SPECC1: variants seen among roughly 807,000 people sequenced by gnomAD.
The protein encoded by SPECC1 is cytospin-B.
Under a neutral mutation model 104.1 loss-of-function variants are expected in SPECC1, and 62 were observed. That is an observed-to-expected ratio of 0.60 (90% CI 0.49 to 0.74). The LOEUF (loss-of-function observed/expected upper bound fraction) is 0.74. Ranked by LOEUF, SPECC1 falls within the 30% of genes least tolerant of loss-of-function variation. The pLI is 0.00. For synonymous variants in SPECC1, 513 were observed against 501.6 expected, an observed-to-expected ratio of 1.02 and a Z score of -0.30; for missense variants, 1,306 against 1,310.5, an observed-to-expected ratio of 1.00 and a Z score of 0.05.
At chr17:20,243,722 G>T (rs546931006) in intron 7 of SPECC1, among the ~76,000 whole-genome samples, 2 of 152,292 alleles carry the variant, frequency 1.3e-5, no homozygotes, top group Admixed American at 6.5e-5. Context: ...TGAGGTAATT[G>T]ATTCTTGTGG....
intron 2 of SPECC1, among the ~76,000 whole-genome samples, chr17:20,102,392 C>A (rs2047984207): frequency 1.3e-5 from 2 of 152,204 alleles, no homozygotes; most frequent in African/African-American, 4.8e-5. Context: ...CCCTTGAAAG[C>A]TTTGCTGCTA....
At chr17:20,170,323 T>TTG (rs1206525840) in intron 3 of SPECC1, among the ~76,000 whole-genome samples, 2 of 152,254 alleles carry the variant, frequency 1.3e-5, no homozygotes, top group African/African-American at 4.8e-5. Context: ...CAGCTGTCCC[T>TTG]TGTATTTCCA....
At chr17:20,144,595 A>T (rs980272891) in intron 3 of SPECC1, among the ~76,000 whole-genome samples, 2 of 152,050 alleles carry the variant, frequency 1.3e-5, no homozygotes, top group African/African-American at 4.8e-5. Context: ...ATTTTCCTTT[A>T]TATATAAGTG....
chr17:20,114,892 GAGAA>G (rs2048680951), intron 3 of SPECC1, among the ~76,000 whole-genome samples: 1 of 152,206 alleles, frequency 6.6e-6, no homozygotes, highest in African/African-American at 2.4e-5. Context: ...TACCAAGACA[GAGAA>G]GTATTGTATT....
chr17:20,083,990 C>G (rs2047080411), intron 1 of SPECC1, among the ~76,000 whole-genome samples: 1 of 152,122 alleles, frequency 6.6e-6, no homozygotes, highest in Non-Finnish European at 1.5e-5. Context: ...CTAATGATGT[C>G]AAGCATTTTT....
intron 3 of SPECC1, among the ~76,000 whole-genome samples, chr17:20,182,886 C>T (rs1481293045): frequency 2.6e-5 from 4 of 152,204 alleles, no homozygotes; most frequent in South Asian, 2.1e-4. Flanking sequence ...CTGCAAAAGA[C>T]GTTGGAAGTG....
intron 3 of SPECC1, among the ~76,000 whole-genome samples, chr17:20,186,735 T>TCTAC (rs1197697241): frequency 6.6e-6 from 1 of 152,098 alleles, no homozygotes; most frequent in Non-Finnish European, 1.5e-5. Flanking sequence ...CTGGGTTTTT[T>TCTAC]TTGTATTTTC....
chr17:20,222,282 C>T (rs749915572), intron 4 of SPECC1, among the ~76,000 whole-genome samples: 5 of 151,948 alleles, frequency 3.3e-5, no homozygotes, highest in Non-Finnish European at 7.4e-5. Context: ...GCAAGTGAAG[C>T]GAGATCGCAC....
intron 8 of SPECC1, among the ~76,000 whole-genome samples, chr17:20,246,484 C>T (rs1401595287): frequency 1.3e-5 from 2 of 152,136 alleles, no homozygotes; most frequent in African/African-American, 4.8e-5. Context: ...TTGGAGGCAC[C>T]CCTGGCCATC....
chr17:20,051,117 T>TTCTTTCC (rs2045749031), intron 1 of SPECC1, among the ~76,000 whole-genome samples: 12 of 92,870 alleles, frequency 1.3e-4, no homozygotes, highest in Admixed American at 3.4e-4. Context: ...TCTTTCTTTC[T>TTCTTTCC]TTCTTTCTTT....
At chr17:20,249,444 C>A (rs1232164002) in intron 9 of SPECC1, among the ~76,000 whole-genome samples, 2 of 151,828 alleles carry the variant, frequency 1.3e-5, no homozygotes, top group African/African-American at 2.4e-5. Context: ...AAACAAAAAA[C>A]CAGGCATACA....
chr17:20,140,263 C>G (rs1213841825), intron 3 of SPECC1, among the ~76,000 whole-genome samples: 5 of 152,132 alleles, frequency 3.3e-5, no homozygotes, highest in Non-Finnish European at 7.4e-5. Context: ...TTACAGTGGT[C>G]TTGTTGATTG....
At chr17:20,049,398 C>T (rs1023603353) in intron 1 of SPECC1, among the ~76,000 whole-genome samples, 3 of 151,838 alleles carry the variant, frequency 2.0e-5, no homozygotes, top group Admixed American at 6.6e-5. Context: ...TGGGCAACAT[C>T]GTGAGACCCT....
At chr17:20,049,676 G>A (rs2045666491) in intron 1 of SPECC1, among the ~76,000 whole-genome samples, 1 of 151,924 alleles carries the variant, frequency 6.6e-6, no homozygotes, top group Admixed American at 6.6e-5. Flanking sequence ...AGAAAGATTT[G>A]GTTTGTATGT....
intron 3 of SPECC1, among the ~76,000 whole-genome samples, chr17:20,150,464 A>G (rs971673345): frequency 2.6e-5 from 4 of 151,558 alleles, no homozygotes; most frequent in Admixed American, 2.6e-4. Context: ...ACATGGAGAA[A>G]TCCCGTCTCT....
chr17:20,306,661 CAG>C (rs1286681420), intron 14 of SPECC1, among the ~76,000 whole-genome samples: 1 of 152,118 alleles, frequency 6.6e-6, no homozygotes, highest in African/African-American at 2.4e-5. Flanking sequence ...CACGTGCGCG[CAG>C]AGAGAGGAAA....
chr17:20,291,755 G>A (rs1200056581), intron 12 of SPECC1, among the ~76,000 whole-genome samples: 1 of 151,968 alleles, frequency 6.6e-6, no homozygotes, highest in Non-Finnish European at 1.5e-5. Flanking sequence ...ATGTTGGCCT[G>A]TCCGGTCTCA....
chr17:20,083,063 T>A (rs1453273984), intron 1 of SPECC1, among the ~76,000 whole-genome samples: 1 of 112,306 alleles, frequency 8.9e-6, no homozygotes, highest in Non-Finnish European at 2.1e-5. Flanking sequence ...TGGACTGTAT[T>A]ATTCTTTGAG....
chr17:20,193,816 T>A (rs1393910963), intron 3 of SPECC1, among the ~76,000 whole-genome samples: 1 of 152,228 alleles, frequency 6.6e-6, no homozygotes, highest in Non-Finnish European at 1.5e-5. Context: ...TATAGGGTTG[T>A]TAGCTGATTG....
Sources: allele counts gnomAD v4.1 joint callset (sites outside exome capture counted in the v4.1 genomes callset), GRCh38; gene constraint gnomAD v4.1.1; transcripts MANE v1.5; gene names NCBI Gene and HGNC (gene_info 2026-07-23, HGNC 2026-07-21).